Variants in CTCF observed in about 807,000 individuals in gnomAD.
CTCF encodes CCCTC-binding factor.
In CTCF, 7 loss-of-function variants were observed where a neutral mutation model predicts 72.3. The observed-to-expected ratio is 0.10, with a 90% confidence interval of 0.06 to 0.18. The LOEUF (loss-of-function observed/expected upper bound fraction) is 0.18, where lower values mean the gene tolerates loss of function less well. Ranked by LOEUF, CTCF falls within the 10% of genes least tolerant of loss-of-function variation. CTCF has a pLI of 1.00. For missense variants in CTCF, 516 were observed against 949.1 expected (o/e 0.54, Z 6.00); for synonymous variants, 374 against 315.8 (o/e 1.18, Z -1.95).
chr16:67,562,896 T>C (rs2051294471), intron 1 of CTCF, among the ~76,000 whole-genome samples, 172 bp downstream of exon 1: 1 of 142,540 alleles, frequency 7.0e-6, no homozygotes, highest in African/African-American at 2.6e-5. Flanking sequence ...GTCGCCGCCG[T>C]GGCCCGGCCG....
At chr16:67,620,225 CAG>C (rs1043078698) in intron 5 of CTCF, among the ~76,000 whole-genome samples, 1 of 151,798 alleles carries the variant, frequency 6.6e-6, no homozygotes, top group South Asian at 2.1e-4. Flanking sequence ...TTTTTTGAGA[CAG>C]AGTTTCGCCC....
intron 2 of CTCF, among the ~76,000 whole-genome samples, chr16:67,597,347 T>G (rs1012286480): frequency 1.3e-5 from 2 of 152,142 alleles, no homozygotes; most frequent in Admixed American, 1.3e-4. Flanking sequence ...AATGCTTTTT[T>G]TTTTTATTTT....
intron 4 of CTCF, among the ~76,000 whole-genome samples, chr16:67,613,088 T>A (rs570309743): frequency 6.6e-6 from 1 of 152,256 alleles, no homozygotes; most frequent in African/African-American, 2.4e-5. Context: ...TATTCTGATA[T>A]TAGCTTCATG....
chr16:67,609,239 A>G (rs141749651), intron 2 of CTCF, among the ~76,000 whole-genome samples: 41 of 152,184 alleles, frequency 2.7e-4, no homozygotes, highest in African/African-American at 9.6e-4. Context: ...ATCATCTCAC[A>G]TCCTTGTCAT....
Position 67,631,154 on chromosome 16 carries a change from G to GTTTTTT in CTCF, c.1837+1626_1837+1631dup, listed in dbSNP as rs766362012. On this transcript the variant is annotated intron_variant, in intron 10 of 11. Coordinates refer to ENST00000264010, the MANE Select transcript of CTCF (RefSeq NM_006565.4). ...ATTGGGCTTTTTTTGTTCTTTGTTT[G>GTTTTTT]TTTTTTTTTTGTTTTTTGTTTTTTT... Among the ~76,000 whole-genome samples the GTTTTTT allele has an allele frequency of 3.1e-3, 381 of 124,894 alleles. 24 individuals are homozygous for GTTTTTT. The highest frequency in any genetic ancestry group is 7.0e-3 in the African/African-American group (207 of 29,714). The allele number at this position is 124,894 out of a possible 152,430, so 81.9% of individuals were successfully genotyped here. A position where few individuals can be genotyped will look rare whatever the true frequency, so the allele number is the denominator to read the frequency against.
chr16:67,631,681 C>CCA (rs2052367353), intron 10 of CTCF, among the ~76,000 whole-genome samples: 1 of 36,928 alleles, frequency 2.7e-5, no homozygotes, highest in Non-Finnish European at 4.5e-5. Context: ...GTCCCCCCCA[C>CCA]CCCCCCCCCC....
rs552934828 is a variant in CTCF at position 67,608,799 on chromosome 16, C to T, written c.-9-2025C>T. Reference sequence around the variant, plus strand: ...TTGCCCAGGCTGCACAGTACAATGGCGCAATCTTGGCTCACCGCAACCTCC... The same window carrying T: ...TTGCCCAGGCTGCACAGTACAATGGTGCAATCTTGGCTCACCGCAACCTCC... On this transcript the variant is annotated intron_variant, in intron 2 of 11. Coordinates refer to ENST00000264010, the MANE Select transcript of CTCF (RefSeq NM_006565.4). 3.3e-5 allele frequency among the ~76,000 whole-genome samples: 5 copies of T among 151,430 alleles called. No individual in the cohort carries two copies. In the East Asian group the frequency reaches 5.8e-4, roughly 18 times the overall value.
At chr16:67,586,158 T>C (rs543319765) in intron 2 of CTCF, among the ~76,000 whole-genome samples, 1 of 152,194 alleles carries the variant, frequency 6.6e-6, no homozygotes, top group Non-Finnish European at 1.5e-5. Flanking sequence ...TCCAGCACTT[T>C]GGGAGGCCAA....
intron 2 of CTCF, among the ~76,000 whole-genome samples, chr16:67,574,414 T>C (rs1289373647): frequency 1.3e-5 from 2 of 152,066 alleles, no homozygotes; most frequent in Non-Finnish European, 2.9e-5. Context: ...TGATCTCGGC[T>C]CACTGCAACT....
chr16:67,618,204 C>G (rs2142842542), intron 5 of CTCF, among the ~76,000 whole-genome samples: 1 of 152,226 alleles, frequency 6.6e-6, no homozygotes, highest in East Asian at 1.9e-4. Context: ...CAGGAGTTGA[C>G]CAGTGTGGCC....
intron 8 of CTCF, among the ~76,000 whole-genome samples, chr16:67,628,148 A>G (rs944152697): frequency 3.3e-5 from 5 of 152,020 alleles, no homozygotes; most frequent in African/African-American, 1.2e-4. Context: ...CTATGGTCCC[A>G]TTTTGAAGCT....
chr16:67,614,321 T>A (rs1439974757), intron 4 of CTCF: 1 of 130,208 alleles, frequency 7.7e-6, no homozygotes, highest in Non-Finnish European at 1.5e-5. Context: ...CACTCCAGCC[T>A]GGGCGACAGA....
At chr16:67,581,219 C>T (rs1045841986) in intron 2 of CTCF, among the ~76,000 whole-genome samples, 4 of 152,190 alleles carry the variant, frequency 2.6e-5, no homozygotes, top group South Asian at 2.1e-4. Flanking sequence ...TGAGCCACTG[C>T]ACCTGGCCCG....
intron 2 of CTCF, among the ~76,000 whole-genome samples, chr16:67,586,906 G>A (rs1431278792): frequency 6.6e-6 from 1 of 151,764 alleles, no homozygotes; most frequent in African/African-American, 2.4e-5. Flanking sequence ...CAATCCTCCC[G>A]CCTCAGCCTC....
chr16:67,574,171 A>G (rs1360461489), intron 2 of CTCF, among the ~76,000 whole-genome samples: 1 of 152,134 alleles, frequency 6.6e-6, no homozygotes, highest in Non-Finnish European at 1.5e-5. Flanking sequence ...TCAGTCCCAT[A>G]AGACCACCTG....
chr16:67,616,604 C>T (rs1017005159), intron 4 of CTCF, 141 bp from the exon 5 acceptor site: 41 of 925,604 alleles, frequency 4.4e-5, no homozygotes, highest in Non-Finnish European at 6.7e-5. Flanking sequence ...TCGGAGCTGA[C>T]TTTTGTATCT....
chr16:67,609,424 A>C (rs1212824757), intron 2 of CTCF, among the ~76,000 whole-genome samples: 1 of 152,156 alleles, frequency 6.6e-6, no homozygotes, highest in African/African-American at 2.4e-5. Flanking sequence ...TAGTTTTGTT[A>C]GTAATTCTTT....
intron 2 of CTCF, among the ~76,000 whole-genome samples, chr16:67,578,325 CTTTTTTTTTTTTT>C (rs944395345): frequency 1.2e-5 from 1 of 84,480 alleles, no homozygotes; most frequent in South Asian, 4.5e-4. Context: ...GTTTATGTAT[CTTTTTTTTTTTTT>C]TTTTTTTTTT....
In CTCF at chr16:67,637,551, A is replaced by T. The variant is rs2052447438; in HGVS notation, c.2000-137A>T. ...GTCTCAAAAAATAAAATAAAAAATA[A>T]ATTGACTGTCTCTGGACCGCTATCT... On this transcript the variant is annotated intron_variant, in intron 11 of 11. Coordinates refer to ENST00000264010, the MANE Select transcript of CTCF (RefSeq NM_006565.4). 5 of 657,230 alleles carry T rather than the reference A, an allele frequency of 7.6e-6. No individual in the cohort carries two copies. In the South Asian group the frequency reaches 1.2e-4, roughly 16 times the overall value. 40.7% of individuals were successfully genotyped at this position (657,230 alleles called of 1,614,324 possible).
Sources: gnomAD v4.1 joint callset for allele counts (sites outside exome capture counted in the v4.1 genomes callset) on GRCh38, gnomAD v4.1.1 for gene constraint, MANE v1.5 for transcripts, NCBI Gene and HGNC (gene_info 2026-07-23, HGNC 2026-07-21) for gene names.